Variants in LMBR1 observed in about 807,000 individuals in gnomAD.
The protein encoded by LMBR1 is limb region 1 protein homolog.
LMBR1 carries 52 observed loss-of-function variants against 73.9 expected under a neutral mutation model. The observed-to-expected ratio is 0.70, with a 90% CI of 0.56 to 0.89. The LOEUF (loss-of-function observed/expected upper bound fraction) is 0.89, where lower values mean the gene tolerates loss of function less well. LMBR1 is among the 40% of genes least tolerant of loss of function. The pLI, the probability that LMBR1 is intolerant of heterozygous loss-of-function variation, is 0.00. For synonymous variants in LMBR1, 215 were observed against 209.4 expected, an observed-to-expected ratio of 1.03 and a Z score of -0.23; for missense variants, 539 against 579.8, an observed-to-expected ratio of 0.93 and a Z score of 0.72.
intron 13 of LMBR1, 24 bp downstream of exon 13, chr7:156,725,740 A>C: frequency 6.2e-7 from 1 of 1,604,798 alleles, no homozygotes; most frequent in Non-Finnish European, 8.5e-7. Context: ...GGATAGGCTG[A>C]ACGTTCAGTT....
At chr7:156,769,165 C>T (rs1325890865) in intron 5 of LMBR1, among the ~76,000 whole-genome samples, 3 of 152,142 alleles carry the variant, frequency 2.0e-5, no homozygotes, top group African/African-American at 7.2e-5. Context: ...AAACACCCTA[C>T]TCAAAAAGTC....
At chr7:156,761,313 C>T (rs1334883860) in intron 8 of LMBR1, among the ~76,000 whole-genome samples, 1 of 152,032 alleles carries the variant, frequency 6.6e-6, no homozygotes, top group African/African-American at 2.4e-5. Context: ...AAATATCTGA[C>T]AAAATAGAGA....
intron 4 of LMBR1, among the ~76,000 whole-genome samples, chr7:156,671,534 A>T (rs4716649): frequency 0.35 from 53,868 of 152,038 alleles, 10,189 homozygotes; most frequent in African/African-American, 0.48. Flanking sequence ...AACTGACCAT[A>T]CGCTTGTCCA....
At chr7:156,782,508 C>A (rs1479449676) in intron 5 of LMBR1, among the ~76,000 whole-genome samples, 1 of 152,124 alleles carries the variant, frequency 6.6e-6, no homozygotes, top group Non-Finnish European at 1.5e-5. Flanking sequence ...TAGTAGTCAT[C>A]CTACTAGGAG....
At chr7:156,671,959 A>G (rs1802649248) in intron 4 of LMBR1, among the ~76,000 whole-genome samples, 1 of 152,240 alleles carries the variant, frequency 6.6e-6, no homozygotes, top group African/African-American at 2.4e-5. Context: ...TAGCAAAAGT[A>G]CATATCAAAA....
In LMBR1 at chr7:156,736,603, C is replaced by T. The variant is rs565300121; in HGVS notation, c.758-2346G>A. Reference sequence around the variant, plus strand: ...TGTTGCAACTTCTGGATTTCCCGCACAAAGCATTCCCACTGTGGCAGGTGA... The same window carrying T: ...TGTTGCAACTTCTGGATTTCCCGCATAAAGCATTCCCACTGTGGCAGGTGA... On this transcript the variant is annotated intron_variant, in intron 9 of 16. Transcript: ENST00000353442. 4.8e-5 allele frequency: 22 copies of T among 457,080 alleles called. No individual in the cohort carries two copies. In the East Asian group the frequency reaches 1.5e-3, roughly 30 times the overall value. The allele number at this position is 457,080 out of a possible 1,614,324, so 28.3% of individuals were successfully genotyped here.
chr7:156,795,756 T>C (rs113945651), intron 5 of LMBR1, among the ~76,000 whole-genome samples: 4,841 of 152,250 alleles, frequency 0.032, 124 homozygotes, highest in South Asian at 0.084. Context: ...TCTCACTGTG[T>C]TGCCCAAACT....
chr7:156,767,175 C>G (rs1487154299), intron 5 of LMBR1, among the ~76,000 whole-genome samples: 1 of 151,980 alleles, frequency 6.6e-6, no homozygotes, highest in Non-Finnish European at 1.5e-5. Context: ...CCGTACAGAC[C>G]CCCCTGAGCA....
At position 156,683,931 on chromosome 7, in the gene LMBR1, C is replaced by T. The variant is rs1002381548; in HGVS notation, c.*147G>A. On this transcript the variant is annotated 3_prime_UTR_variant, in exon 17 of 17. Transcript: ENST00000353442. The stretch of plus-strand genomic sequence containing the variant: ...AAAGATCAGCCATAGCCAAGTTCTT[C>T]GTAGATTATGAAAAAAAAATGGCAC... 3.0e-6 allele frequency: 2 copies of T among 671,614 alleles called. No individual in the cohort carries two copies. The highest frequency in any genetic ancestry group is 5.3e-6 in the Non-Finnish European group (2 of 380,904). 41.6% of individuals were successfully genotyped at this position (671,614 alleles called of 1,614,324 possible). A position where few individuals can be genotyped will look rare whatever the true frequency, so the allele number is the denominator to read the frequency against.
chr7:156,873,505 TTC>T (rs916266640), intron 1 of LMBR1, among the ~76,000 whole-genome samples: 2 of 152,168 alleles, frequency 1.3e-5, no homozygotes, highest in African/African-American at 4.8e-5. Context: ...CCTGCTTTTA[TTC>T]TCTTATCTGG....
chr7:156,787,591 C>T lies in LMBR1; in HGVS notation c.423+8798G>A, dbSNP rs577430362. Among the ~76,000 whole-genome samples, 8 of 152,270 alleles carry T rather than the reference C, an allele frequency of 5.3e-5. No homozygotes were observed. In the East Asian group the frequency reaches 1.5e-3, roughly 29 times the overall value. On this transcript the variant is annotated intron_variant, in intron 5 of 16. Transcript: ENST00000353442. Reference sequence around the variant, plus strand: ...ACAATTTAACAATATTTTTGAAACTCTAATCTGCTGAACTTCTAAAACCCT... The same window carrying T: ...ACAATTTAACAATATTTTTGAAACTTTAATCTGCTGAACTTCTAAAACCCT...
intron 12 of LMBR1, 93 bp from the exon 13 acceptor site, chr7:156,725,930 T>G: frequency 1.1e-6 from 1 of 900,806 alleles, no homozygotes; most frequent in Non-Finnish European, 1.7e-6. Context: ...ACAGTTGAAA[T>G]TATGAATGTT....
intron 15 of LMBR1, among the ~76,000 whole-genome samples, chr7:156,696,675 A>G (rs907246171): frequency 1.3e-5 from 2 of 152,190 alleles, no homozygotes; most frequent in Non-Finnish European, 2.9e-5. Flanking sequence ...ACAGCATGGG[A>G]AAGACCTGCC....
At chr7:156,887,355 C>T (rs925489969) in intron 1 of LMBR1, among the ~76,000 whole-genome samples, 12 of 149,618 alleles carry the variant, frequency 8.0e-5, no homozygotes, top group African/African-American at 2.7e-4. Context: ...CCCAGCTACT[C>T]GGGAGGCTGA....
intron 9 of LMBR1, among the ~76,000 whole-genome samples, chr7:156,738,078 G>T (rs1203136809): frequency 6.6e-6 from 1 of 152,208 alleles, no homozygotes; most frequent in Non-Finnish European, 1.5e-5. Flanking sequence ...GCACTGAAGA[G>T]GGTAGAAAAG....
chr7:156,818,626 T>G (rs1029257388), intron 4 of LMBR1, among the ~76,000 whole-genome samples: 5 of 152,308 alleles, frequency 3.3e-5, no homozygotes, highest in African/African-American at 1.2e-4. Context: ...TTCAGTGGCA[T>G]TTGCACTGAA....
At chr7:156,880,961 CA>C (rs1355502120) in intron 1 of LMBR1, among the ~76,000 whole-genome samples, 1 of 152,074 alleles carries the variant, frequency 6.6e-6, no homozygotes, top group African/African-American at 2.4e-5. Context: ...CCCCCAGTGG[CA>C]TTTTTTTTTA....
At chr7:156,814,491 A>G (rs2133656688) in intron 4 of LMBR1, among the ~76,000 whole-genome samples, 1 of 152,382 alleles carries the variant, frequency 6.6e-6, no homozygotes, top group African/African-American at 2.4e-5. Context: ...TTAAAACACC[A>G]GGACATCTTT....
At chr7:156,674,271 G>A (rs1007975154), downstream of LMBR1, among the ~76,000 whole-genome samples, 1 of 152,192 alleles carries the variant, frequency 6.6e-6, no homozygotes, top group East Asian at 1.9e-4. Context: ...CCCGGGCCTG[G>A]AGAACACCCA....
Sources: allele counts gnomAD v4.1 joint callset (sites outside exome capture counted in the v4.1 genomes callset), GRCh38; gene constraint gnomAD v4.1.1; transcripts MANE v1.5; gene names NCBI Gene and HGNC (gene_info 2026-07-23, HGNC 2026-07-21).